Variants in FRMD4A observed in about 807,000 individuals in gnomAD.
The protein encoded by FRMD4A is FERM domain containing 4A.
FRMD4A carries 29 observed loss-of-function variants against 129.1 expected under a neutral mutation model. The ratio of observed to expected loss-of-function variants is 0.22; its 90% CI spans 0.17 to 0.31. The LOEUF (loss-of-function observed/expected upper bound fraction) is 0.31. FRMD4A is among the 10% of genes least tolerant of loss of function. The pLI is 1.00. For synonymous variants in FRMD4A, 634 were observed against 571.6 expected (o/e 1.11, Z -1.56); for missense variants, 1,272 against 1,375.8 (o/e 0.92, Z 1.19).
chr10:13,763,502 C>G (rs4750409), intron 6 of FRMD4A, among the ~76,000 whole-genome samples: 1 of 152,110 alleles, frequency 6.6e-6, no homozygotes, highest in Admixed American at 6.5e-5. Context: ...AGATACAGAA[C>G]GTTTCTACCA....
At chr10:13,948,620 G>A (rs906570868) in intron 2 of FRMD4A, among the ~76,000 whole-genome samples, 1 of 151,094 alleles carries the variant, frequency 6.6e-6, no homozygotes. Flanking sequence ...TGGGGATGAG[G>A]AGAATTGATA....
At chr10:14,117,187 A>G (rs1476418670) in intron 2 of FRMD4A, among the ~76,000 whole-genome samples, 3 of 152,170 alleles carry the variant, frequency 2.0e-5, no homozygotes, top group African/African-American at 4.8e-5. Flanking sequence ...TTCTTGGAGG[A>G]CCCAGACTAA....
Position 13,747,643 on chromosome 10 carries a change from G to T in FRMD4A, c.548+93C>A. 5 of 696,248 alleles carry T rather than the reference G, an allele frequency of 7.2e-6. No homozygotes were observed. The East Asian group carries it at 1.0e-4, about 14-fold the overall frequency. The allele number at this position is 696,248 out of a possible 1,614,324, so 43.1% of individuals were successfully genotyped here. A position where few individuals can be genotyped will look rare whatever the true frequency, so the allele number is the denominator to read the frequency against. On this transcript the variant is annotated intron_variant, in intron 9 of 24. Coordinates refer to ENST00000357447, the MANE Select transcript of FRMD4A (RefSeq NM_018027.5). ...CAGCTGCAAGTCCAGGCTGGCACGT[G>T]GGAGCTGGTGGAGGGAGGGTACATT...
At chr10:14,028,338 T>C (rs552147355) in intron 2 of FRMD4A, among the ~76,000 whole-genome samples, 2 of 152,192 alleles carry the variant, frequency 1.3e-5, no homozygotes, top group Non-Finnish European at 2.9e-5. Context: ...AGGCCTGATG[T>C]GATTGAAGTA....
chr10:14,165,543 C>T (rs1841128619), intron 2 of FRMD4A, among the ~76,000 whole-genome samples: 3 of 152,186 alleles, frequency 2.0e-5, no homozygotes. Flanking sequence ...AATCATTCTA[C>T]CGAAAAGACA....
At chr10:14,322,347 T>G (rs1279954152) in intron 2 of FRMD4A, among the ~76,000 whole-genome samples, 1 of 151,936 alleles carries the variant, frequency 6.6e-6, no homozygotes, top group Non-Finnish European at 1.5e-5. Flanking sequence ...CCAACTAAGG[T>G]TGGGGAGAAG....
rs568903591 is a variant in FRMD4A, at chr10:14,132,052, A to T, written c.45+198006T>A. 2.0e-5 allele frequency among the ~76,000 whole-genome samples: 3 copies of T among 152,208 alleles called. No individual in the cohort carries two copies. The East Asian group carries it at 5.8e-4, about 29-fold the overall frequency. ...TGTAATCCCAGCACTTCGGGAGGCCAAGACGGGCAAATTACTGGAGGTCAG... is the reference window on the plus strand; with the variant it reads ...TGTAATCCCAGCACTTCGGGAGGCCTAGACGGGCAAATTACTGGAGGTCAG... On this transcript the variant is annotated intron_variant, in intron 2 of 24. Transcript: ENST00000357447.
chr10:14,262,080 A>G (rs1324613497), intron 2 of FRMD4A, among the ~76,000 whole-genome samples: 3 of 151,930 alleles, frequency 2.0e-5, no homozygotes, highest in African/African-American at 4.8e-5. Flanking sequence ...CCTCTGTGCA[A>G]TTCCAAAATT....
intron 2 of FRMD4A, among the ~76,000 whole-genome samples, chr10:14,021,011 T>C (rs1171718632): frequency 2.0e-5 from 3 of 152,130 alleles, no homozygotes; most frequent in Non-Finnish European, 2.9e-5. Context: ...CTATGTCACC[T>C]CTTCTGAATC....
At chr10:14,211,779 C>G (rs1842940075) in intron 2 of FRMD4A, among the ~76,000 whole-genome samples, 1 of 152,154 alleles carries the variant, frequency 6.6e-6, no homozygotes, top group South Asian at 2.1e-4. Flanking sequence ...GTAAGAATCA[C>G]AAGAATGATT....
chr10:13,908,952 C>A (rs2094911476), intron 2 of FRMD4A, among the ~76,000 whole-genome samples: 2 of 152,198 alleles, frequency 1.3e-5, no homozygotes, highest in African/African-American at 4.8e-5. Context: ...GTTAAATCTG[C>A]AACTCTAATT....
intron 12 of FRMD4A, among the ~76,000 whole-genome samples, chr10:13,722,227 CTTTT>C (rs1204085901): frequency 1.6e-5 from 2 of 126,812 alleles, no homozygotes; most frequent in Admixed American, 1.6e-4. Context: ...GGCCAGGGCT[CTTTT>C]TTTTTTTTTT....
chr10:14,143,706 G>A (rs576198566), intron 2 of FRMD4A, among the ~76,000 whole-genome samples: 2 of 152,178 alleles, frequency 1.3e-5, no homozygotes, highest in South Asian at 2.1e-4. Context: ...CCTCCACCTC[G>A]CTGGTTCAGG....
chr10:13,858,804 C>A, intron 3 of FRMD4A, 43 bp downstream of exon 3: 1 of 1,102,250 alleles, frequency 9.1e-7, no homozygotes, highest in South Asian at 1.2e-5. Flanking sequence ...GAAACCACAT[C>A]AGTCACCAAA....
At chr10:14,300,136 C>T (rs1273003288) in intron 2 of FRMD4A, among the ~76,000 whole-genome samples, 1 of 152,058 alleles carries the variant, frequency 6.6e-6, no homozygotes, top group Non-Finnish European at 1.5e-5. Flanking sequence ...TGTTTTCCCT[C>T]TTTCCAAGTG....
Position 13,660,388 on chromosome 10 carries a change from T to C in FRMD4A, c.1826A>G (p.Lys609Arg). The C allele has an allele frequency of 1.9e-6, 3 of 1,614,176 alleles. No individual in the cohort carries two copies. Among genetic ancestry groups the C allele is most frequent in the Non-Finnish European group, 2.5e-6 (3 of 1,180,008 alleles). ...ATCTAAAGAGGACTCACTCCACATT[T>C]TGGGCTTGATGGGTGACTTGTCATA... is the stretch of plus-strand genomic sequence containing the variant. ...NDYDKSPIKPKMWSESSLDEP... is the reference protein window; with the variant it reads ...NDYDKSPIKPRMWSESSLDEP... The change falls in exon 20 of 25, where the codon AAA becomes AGA. Residue 609 changes from lysine to arginine, a missense_variant. Around this residue, in one of 2 missense-constraint regions of FRMD4A, gnomAD observed 972 missense variants for 892.3 expected, o/e 1.09. Transcript: ENST00000357447.
At chr10:13,958,710 C>T (rs576066951) in intron 2 of FRMD4A, among the ~76,000 whole-genome samples, 175 of 151,934 alleles carry the variant, frequency 1.2e-3, no homozygotes, top group South Asian at 4.6e-3. Context: ...CTCAGCCTCC[C>T]GAGGAGCTGG....
chr10:14,257,502 A>C (rs1755123), intron 2 of FRMD4A, among the ~76,000 whole-genome samples: 13,472 of 152,224 alleles, frequency 0.089, 1,293 homozygotes, highest in African/African-American at 0.24. Flanking sequence ...TTTTGTATTG[A>C]GTTGAATGGT....
At chr10:14,058,926 T>A (rs1322860556) in intron 2 of FRMD4A, among the ~76,000 whole-genome samples, 1 of 94,384 alleles carries the variant, frequency 1.1e-5, no homozygotes. Context: ...TAGAAGGTGG[T>A]GGGATGATCA....
Sources: allele counts gnomAD v4.1 joint callset (sites outside exome capture counted in the v4.1 genomes callset), GRCh38; gene constraint gnomAD v4.1.1; regional missense constraint gnomAD v4.1.1; transcripts MANE v1.5; gene names NCBI Gene and HGNC (gene_info 2026-07-23, HGNC 2026-07-21).